Variants in RIPOR2 observed in about 807,000 individuals in gnomAD.
RIPOR2 encodes RHO family interacting cell polarization regulator 2, also known as rho family-interacting cell polarization regulator 2.
In RIPOR2, 39 loss-of-function variants were observed where a neutral mutation model predicts 114.5. The ratio of observed to expected loss-of-function variants is 0.34; its 90% CI spans 0.26 to 0.44. The LOEUF (loss-of-function observed/expected upper bound fraction) is 0.44, where lower values mean the gene tolerates loss of function less well. RIPOR2 is among the 20% of genes least tolerant of loss of function. RIPOR2 has a pLI of 1.00. For missense variants in RIPOR2, 1,007 were observed against 1,255.1 expected (o/e 0.80, Z 2.99); for synonymous variants, 445 against 484.4 (o/e 0.92, Z 1.07).
intron 1 of RIPOR2, chr6:24,948,312 A>G (rs1375966172): frequency 6.6e-6 from 1 of 152,218 alleles, no homozygotes; most frequent in Non-Finnish European, 1.5e-5. Flanking sequence ...CCCCATCCGT[A>G]TATTAATCTC....
intron 1 of RIPOR2, among the ~76,000 whole-genome samples, chr6:24,915,167 A>G (rs1769972604): frequency 6.6e-6 from 1 of 151,920 alleles, no homozygotes; most frequent in Admixed American, 6.6e-5. Flanking sequence ...GAAGGTCTTT[A>G]CTCTTATGAC....
rs996066163 is a variant in RIPOR2 at position 24,967,913 on chromosome 6, T to C, written c.76+73938A>G. ...TCTTGGCTGCAAGATCTCAATCTTT[T>C]TTTTTTTTTTTTTTTTTTAGATGGA... On this transcript the variant is annotated intron_variant, in intron 1 of 13. Transcript: ENST00000510784. 2.0e-3 allele frequency among the ~76,000 whole-genome samples: 292 copies of C among 145,480 alleles called. 6 individuals carry two copies. The highest frequency in any genetic ancestry group is 3.5e-3 in the Middle Eastern group (1 of 286).
chr6:24,839,716 A>G, intron 13 of RIPOR2: 1 of 1,459,296 alleles, frequency 6.9e-7, no homozygotes, highest in Non-Finnish European at 9.0e-7. Flanking sequence ...CCTAGTGCTC[A>G]CCCCAAAATA....
At chr6:24,962,935 A>G (rs1230178235) in intron 1 of RIPOR2, among the ~76,000 whole-genome samples, 1 of 152,210 alleles carries the variant, frequency 6.6e-6, no homozygotes, top group Non-Finnish European at 1.5e-5. Context: ...GCTAGGGAGA[A>G]TCAAAACTGC....
intron 20 of RIPOR2, among the ~76,000 whole-genome samples, chr6:24,811,648 C>T (rs1301353915): frequency 2.8e-5 from 3 of 108,406 alleles, no homozygotes; most frequent in African/African-American, 6.5e-5. Flanking sequence ...AGTTCCCATT[C>T]GTTTAGTACT....
intron 1 of RIPOR2, among the ~76,000 whole-genome samples, chr6:25,025,475 C>T (rs1326772916): frequency 6.6e-6 from 1 of 151,926 alleles, no homozygotes; most frequent in Non-Finnish European, 1.5e-5. Context: ...GCAATAGGAC[C>T]TTTAAAAAAA....
At chr6:24,988,117 T>G (rs1774614738) in intron 1 of RIPOR2, among the ~76,000 whole-genome samples, 1 of 152,214 alleles carries the variant, frequency 6.6e-6, no homozygotes. Context: ...ATCAATAAAA[T>G]AAGAACTAAT....
chr6:24,817,832 G>A (rs1759299173), intron 20 of RIPOR2, among the ~76,000 whole-genome samples: 1 of 152,050 alleles, frequency 6.6e-6, no homozygotes, highest in African/African-American at 2.4e-5. Flanking sequence ...AAGGATCTGG[G>A]AATTCAGTGG....
intron 1 of RIPOR2, among the ~76,000 whole-genome samples, chr6:24,969,545 G>A (rs1581891098): frequency 6.6e-6 from 1 of 152,220 alleles, no homozygotes; most frequent in African/African-American, 2.4e-5. Flanking sequence ...ACTTGTTGGA[G>A]TGGGGTGTGA....
chr6:24,819,325 T>C (rs1265793517), intron 19 of RIPOR2, among the ~76,000 whole-genome samples: 1 of 152,032 alleles, frequency 6.6e-6, no homozygotes, highest in Non-Finnish European at 1.5e-5. Context: ...ATGTTTGAAC[T>C]GGAATGGAAA....
intron 1 of RIPOR2, among the ~76,000 whole-genome samples, chr6:24,983,810 A>T (rs990986759): frequency 6.9e-6 from 1 of 145,940 alleles, no homozygotes; most frequent in Non-Finnish European, 1.5e-5. Context: ...GCAGCTGAGC[A>T]CCTGGCTGCC....
At chr6:24,921,961 C>G (rs751649110) in intron 1 of RIPOR2, among the ~76,000 whole-genome samples, 6 of 151,924 alleles carry the variant, frequency 3.9e-5, no homozygotes, top group Non-Finnish European at 7.4e-5. Context: ...TCCTGAGTAG[C>G]TGGGATTACA....
intron 7 of RIPOR2, among the ~76,000 whole-genome samples, chr6:24,862,026 G>T (rs185149673): frequency 6.6e-6 from 1 of 152,298 alleles, no homozygotes; most frequent in East Asian, 1.9e-4. Flanking sequence ...GTCTGACAAG[G>T]GTCTTCTCTT....
intron 1 of RIPOR2, among the ~76,000 whole-genome samples, chr6:24,921,986 C>T (rs1015330331): frequency 1.8e-4 from 27 of 152,028 alleles, no homozygotes; most frequent in South Asian, 1.0e-3. Context: ...TGTGCCACCA[C>T]GCCCAGCTAA....
intron 8 of RIPOR2, among the ~76,000 whole-genome samples, chr6:24,855,787 G>C (rs1458887492): frequency 6.6e-6 from 1 of 152,110 alleles, no homozygotes; most frequent in South Asian, 2.1e-4. Context: ...GTGATCCTGT[G>C]CTCTGGGAGG....
At chr6:24,838,288 T>G (rs900099372) in intron 14 of RIPOR2, among the ~76,000 whole-genome samples, 1 of 152,026 alleles carries the variant, frequency 6.6e-6, no homozygotes, top group African/African-American at 2.4e-5. Flanking sequence ...CTTGATGAAC[T>G]CAATCTCTGG....
chr6:24,918,579 G>T lies in RIPOR2; in HGVS notation c.61+17259C>A, dbSNP rs78737701. ...GGAGCTACTTTTAGGAGGAATTACA[G>T]GCCCAGAAGCCCTATTGCTTAAAAC... is the stretch of plus-strand genomic sequence containing the variant. On this transcript the variant is annotated intron_variant, in intron 1 of 21. Coordinates refer to ENST00000643898, the MANE Select transcript of RIPOR2 (RefSeq NM_001286445.3). Among the ~76,000 whole-genome samples the T allele has an allele frequency of 7.8e-3, 1,187 of 152,260 alleles. 10 individuals carry two copies. The highest frequency in any genetic ancestry group is 0.014 in the Admixed American group (211 of 15,286).
chr6:24,969,957 A>G (rs1382488098), intron 1 of RIPOR2, among the ~76,000 whole-genome samples: 4 of 152,164 alleles, frequency 2.6e-5, no homozygotes, highest in Non-Finnish European at 5.9e-5. Context: ...ACTGTGCTGC[A>G]CATGGTAGCT....
At chr6:24,989,157 C>T (rs1463491134) in intron 1 of RIPOR2, among the ~76,000 whole-genome samples, 1 of 151,914 alleles carries the variant, frequency 6.6e-6, no homozygotes, top group Non-Finnish European at 1.5e-5. Flanking sequence ...TTTTTAATAT[C>T]AAAAATCATG....
Sources: gnomAD v4.1 joint callset for allele counts (sites outside exome capture counted in the v4.1 genomes callset) on GRCh38, gnomAD v4.1.1 for gene constraint, MANE v1.5 for transcripts, NCBI Gene and HGNC (gene_info 2026-07-23, HGNC 2026-07-21) for gene names.